Variants in RNFT1 observed in about 807,000 individuals in gnomAD.
RNFT1 encodes ring finger protein, transmembrane 1.
In RNFT1, 35 loss-of-function variants were observed where a neutral mutation model predicts 53.2. The ratio of observed to expected loss-of-function variants is 0.66; its 90% CI spans 0.50 to 0.87. RNFT1 has a LOEUF of 0.87. Among genes scored for constraint, RNFT1 ranks in the 40% least tolerant of loss-of-function variants. The probability of loss-of-function intolerance (pLI) is 0.00; values close to 1 mark genes in which losing one functional copy is unlikely to be tolerated. For missense variants in RNFT1, 421 were observed against 515.0 expected (o/e 0.82, Z 1.77); for synonymous variants, 141 against 172.8 (o/e 0.82, Z 1.44).
At chr17:59,961,212 A>AT (rs944973727) in intron 3 of RNFT1, among the ~76,000 whole-genome samples, 14 of 149,490 alleles carry the variant, frequency 9.4e-5, no homozygotes, top group African/African-American at 2.7e-4. Flanking sequence ...AATTTTTTGT[A>AT]TTTTTTGTAG....
chr17:59,964,613 A>C lies in RNFT1; in HGVS notation c.51T>G (p.His17Gln), dbSNP rs1405031718. 5 of 1,605,108 alleles carry C rather than the reference A, an allele frequency of 3.1e-6. No homozygotes were observed. The South Asian group carries it at 5.6e-5, about 18-fold the overall frequency. The change falls in exon 1 of 9, where the codon CAT becomes CAG. Residue 17 changes from histidine to glutamine, a missense_variant. His to Gln is a conservative substitution (Grantham distance 24). Coordinates refer to ENST00000305783, the MANE Select transcript of RNFT1 (RefSeq NM_016125.4). ...SLPTPPSASG[H>Q]ERRQRPEAKT... ...CCGCTTCCCCCAGGCCTAACCTCTC[A>C]TGACCAGAAGCGGACGGAGGTGTCG...
In RNFT1 at chr17:59,954,116, A is replaced by G. The variant is rs367607184; in HGVS notation, c.1102T>C (p.Cys368Arg). Residue 368 changes from cysteine (C) to arginine (R), a missense_variant, in exon 8 of 9, where the codon TGT becomes CGT. By Grantham distance (180) the Cys-to-Arg change is radical (BLOSUM62 -3). Coordinates refer to ENST00000305783, the MANE Select transcript of RNFT1 (RefSeq NM_016125.4). ...SYGVAASKRQ[C>R]SDVDDICSIC... ...GAACAAATATCATCCACATCTGAAC[A>G]CTGTCTCTTGCTGGCAGCCACTCCA... The G allele has an allele frequency of 9.4e-5, 150 of 1,602,696 alleles. No individual in the cohort carries two copies. The African/African-American group carries it at 1.8e-3, about 20-fold the overall frequency.
rs1259340466 is a variant in RNFT1 at position 59,952,946 on chromosome 17, A to C, written c.*31T>G. ...GTAGTCATTATGACCAAATGACATTAGTATTTTGTGGCCTTGATAGTTTAT... is the reference window on the plus strand; with the variant it reads ...GTAGTCATTATGACCAAATGACATTCGTATTTTGTGGCCTTGATAGTTTAT... On this transcript the variant is annotated 3_prime_UTR_variant, in exon 9 of 9. Coordinates refer to ENST00000305783, the MANE Select transcript of RNFT1 (RefSeq NM_016125.4). The C allele has an allele frequency of 1.2e-6, 2 of 1,600,496 alleles. No homozygotes were observed. The highest frequency in any genetic ancestry group is 1.7e-6 in the Non-Finnish European group (2 of 1,172,074).
intron 3 of RNFT1, 109 bp downstream of exon 3, chr17:59,962,431 C>A (rs1221042491): frequency 1.3e-5 from 9 of 694,040 alleles, no homozygotes; most frequent in Admixed American, 2.8e-5. Context: ...ACAATATATC[C>A]TATTACTTCC....
intron 5 of RNFT1, among the ~76,000 whole-genome samples, chr17:59,958,066 A>T (rs1325532563): frequency 6.6e-6 from 1 of 152,210 alleles, no homozygotes; most frequent in Non-Finnish European, 1.5e-5. Flanking sequence ...GTGGGGACTG[A>T]TTTTAAAATT....
rs1412625707 is a variant in RNFT1, at chr17:59,960,122, G to A, written c.638C>T (p.Ala213Val). ...IQCAWLLVFLAGSSVLLYYTF... is the reference protein window; with the variant it reads ...IQCAWLLVFLVGSSVLLYYTF... ...GTAATATAAAAGAACAGAAGATCCT[G>A]CTAAGAATACCAGTAACCAAGCACA... Residue 213 changes from alanine (A) to valine (V), a missense_variant, in exon 4 of 9, where the codon GCA becomes GTA. By Grantham distance (64) the Ala-to-Val change is moderately conservative. Coordinates refer to ENST00000305783, the MANE Select transcript of RNFT1 (RefSeq NM_016125.4). 2 of 1,610,518 alleles carry A rather than the reference G, an allele frequency of 1.2e-6. No homozygotes were observed. The highest frequency in any genetic ancestry group is 1.3e-5 in the African/African-American group (1 of 74,834).
chr17:59,953,233 T>A, intron 8 of RNFT1, 122 bp from the exon 9 acceptor site: 1 of 790,916 alleles, frequency 1.3e-6, no homozygotes, highest in Admixed American at 3.0e-5. Context: ...TCTTGCTCTG[T>A]CACCCAGGCC....
intron 1 of RNFT1, among the ~76,000 whole-genome samples, chr17:59,963,671 C>T (rs760493364): frequency 6.6e-6 from 1 of 152,004 alleles, no homozygotes; most frequent in African/African-American, 2.4e-5. Flanking sequence ...GTAGATTCTA[C>T]ATCAAAGAAG....
intron 7 of RNFT1, among the ~76,000 whole-genome samples, chr17:59,955,659 T>C (rs905952554): frequency 2.0e-5 from 3 of 152,238 alleles, no homozygotes; most frequent in Non-Finnish European, 4.4e-5. Flanking sequence ...TGTTTCTACA[T>C]TGCTAACTCT....
chr17:59,959,956 TA>T, intron 4 of RNFT1, 111 bp downstream of exon 4: 2 of 1,096,568 alleles, frequency 1.8e-6, no homozygotes, highest in South Asian at 2.6e-5. Flanking sequence ...AGGAGAAAGT[TA>T]AAAACTGAAC....
intron 1 of RNFT1, 54 bp downstream of exon 1, chr17:59,964,554 C>G: frequency 6.5e-7 from 1 of 1,541,840 alleles, no homozygotes; most frequent in Non-Finnish European, 8.8e-7. Flanking sequence ...CCAGAGCCCC[C>G]TGCGCCGCGG....
chr17:59,954,213 T>A, intron 7 of RNFT1, 67 bp from the exon 8 acceptor site: 1 of 1,062,662 alleles, frequency 9.4e-7, no homozygotes, highest in Non-Finnish European at 1.4e-6. Context: ...ATTACATAAG[T>A]AATGCTGTAC....
chr17:59,960,835 C>A lies in RNFT1; in HGVS notation c.592-667G>T, dbSNP rs1214708928. Among the ~76,000 whole-genome samples, 4 of 151,950 alleles carry A rather than the reference C, an allele frequency of 2.6e-5. No individual in the cohort carries two copies. In the East Asian group the frequency reaches 7.7e-4, roughly 29 times the overall value. On this transcript the variant is annotated intron_variant, in intron 3 of 8. Transcript: ENST00000305783. ...CTCAGAAAAAAAATGGACCCACCCA[C>A]AAAAGAAAATTTCAAAATGCATTTT...
rs2045309541 is a variant in RNFT1 at position 59,963,278 on chromosome 17, C to T, written c.63G>A (p.Gln21=). 1.9e-6 allele frequency: 3 copies of T among 1,601,110 alleles called. No homozygotes were observed. Among genetic ancestry groups the T allele is most frequent in the Non-Finnish European group, 2.6e-6 (3 of 1,173,236 alleles). The change falls in exon 2 of 9, where the codon CAG becomes CAA. Residue 21 remains glutamine (Q), a synonymous_variant. Transcript: ENST00000305783. Reference sequence around the variant, plus strand: ...ACCCAGATGTCTTTGCTTCAGGCCTCTGTCTCCTAAAAAATCAAATAAAAG... The same window carrying T: ...ACCCAGATGTCTTTGCTTCAGGCCTTTGTCTCCTAAAAAATCAAATAAAAG... ...PPSASGHERR[Q]RPEAKTSGSE...
Position 59,960,048 on chromosome 17 carries a change from G to C in RNFT1, c.692+20C>G, listed in dbSNP as rs1178022340. 2 of 1,577,370 alleles carry C rather than the reference G, an allele frequency of 1.3e-6. No individual in the cohort carries two copies. Among genetic ancestry groups the C allele is most frequent in the Non-Finnish European group, 1.7e-6 (2 of 1,162,054 alleles). ...ATGATTACATTAAAAATGTAATTGT[G>C]TATTTGGACCTCTAATTACCTGTAA... On this transcript the variant is annotated intron_variant, in intron 4 of 8. Transcript: ENST00000305783.
intron 3 of RNFT1, among the ~76,000 whole-genome samples, chr17:59,960,454 A>C (rs1404487299): frequency 6.8e-6 from 1 of 147,036 alleles, no homozygotes; most frequent in African/African-American, 2.5e-5. Context: ...AAAAAAAAAA[A>C]AAGAAAATTA....
rs2045268212 is a variant in RNFT1 at position 59,958,563 on chromosome 17, GGATGTCA to G, written c.693-126_693-120del. 3.5e-6 allele frequency: 3 copies of G among 845,512 alleles called. No homozygotes were observed. The South Asian group carries it at 4.7e-5, about 13-fold the overall frequency. The allele number at this position is 845,512 out of a possible 1,614,324, so 52.4% of individuals were successfully genotyped here. A position where few individuals can be genotyped will look rare whatever the true frequency, so the allele number is the denominator to read the frequency against. On this transcript the variant is annotated intron_variant, in intron 4 of 8. Transcript: ENST00000305783. ...ATATGTAAAAAATATGAGTTTGGCA[GGATGTCA>G]GAGTTCACAATAATGGAATGGAGGA...
chr17:59,958,506 G>A (rs1363515278), intron 4 of RNFT1, 62 bp from the exon 5 acceptor site: 23 of 1,285,656 alleles, frequency 1.8e-5, no homozygotes, highest in East Asian at 4.7e-5. Context: ...TATTAATAAA[G>A]GGTTTTAATT....
At chr17:59,953,471 G>T (rs977166243) in intron 8 of RNFT1, among the ~76,000 whole-genome samples, 2 of 152,190 alleles carry the variant, frequency 1.3e-5, no homozygotes, top group Non-Finnish European at 2.9e-5. Flanking sequence ...AAAGTTCTGG[G>T]ATTACAGGCG....
Sources: gnomAD v4.1 joint callset for allele counts (sites outside exome capture counted in the v4.1 genomes callset) on GRCh38, gnomAD v4.1.1 for gene constraint, MANE v1.5 for transcripts, NCBI Gene and HGNC (gene_info 2026-07-23, HGNC 2026-07-21) for gene names.